GYS1: variants seen among roughly 807,000 people sequenced by gnomAD.
GYS1 encodes the protein glycogen synthase 1.
A neutral mutation model predicts 89.1 loss-of-function variants in GYS1; 60 were observed. That is an observed-to-expected ratio of 0.67 (90% CI 0.55 to 0.84). The LOEUF is 0.84. Ranked by LOEUF, GYS1 falls within the 40% of genes least tolerant of loss-of-function variation. GYS1 has a pLI of 0.00. For synonymous variants in GYS1, 366 were observed against 401.7 expected (o/e 0.91, Z 1.06); for missense variants, 888 against 1,003.1 (o/e 0.89, Z 1.55).
intron 2 of GYS1, among the ~76,000 whole-genome samples, chr19:48,989,996 G>GC (rs2038897994): frequency 2.1e-5 from 2 of 93,304 alleles, no homozygotes; most frequent in Non-Finnish European, 4.3e-5. Context: ...CTGCCCTTTT[G>GC]CTGGGGGGGG....
chr19:48,985,419 G>A, intron 5 of GYS1, 42 bp downstream of exon 5: 2 of 1,604,166 alleles, frequency 1.2e-6, no homozygotes, highest in Non-Finnish European at 1.7e-6. Flanking sequence ...ATAGACAGCT[G>A]CCTACCTCAT....
chr19:48,968,669 C>A lies in GYS1; in HGVS notation c.*619G>T, dbSNP rs1430836993. The stretch of plus-strand genomic sequence containing the variant: ...TGCTTGGCCAAAGTGTAGGGGATGA[C>A]AGGAGCCGGATGGAGGGATCCTCCA... On this transcript the variant is annotated 3_prime_UTR_variant, in exon 16 of 16. Coordinates refer to ENST00000323798, the MANE Select transcript of GYS1 (RefSeq NM_002103.5). The A allele has an allele frequency of 2.2e-6, 1 of 454,120 alleles. No homozygotes were observed. The highest frequency in any genetic ancestry group is 1.6e-5 in the South Asian group (1 of 64,476). 28.1% of individuals were successfully genotyped at this position (454,120 alleles called of 1,614,324 possible). A position where few individuals can be genotyped will look rare whatever the true frequency, so the allele number is the denominator to read the frequency against.
rs2122552156 is a variant in GYS1 at position 48,993,305 on chromosome 19, T to C, written c.-193A>G. ...ACCTAGGCAGAAGGAGGCCGCAGCG[T>C]CACTGAGCCCACTGGCGCCCCTGCA... On this transcript the variant is annotated 5_prime_UTR_variant, in exon 1 of 16. Coordinates refer to ENST00000323798, the MANE Select transcript of GYS1 (RefSeq NM_002103.5). 4 of 649,568 alleles carry C rather than the reference T, an allele frequency of 6.2e-6. No homozygotes were observed. The highest frequency in any genetic ancestry group is 1.1e-5 in the Non-Finnish European group (4 of 349,424). The allele number at this position is 649,568 out of a possible 1,614,324, so 40.2% of individuals were successfully genotyped here.
rs144740417 is a variant in GYS1 at position 48,987,699 on chromosome 19, C to T, written c.301-314G>A. On this transcript the variant is annotated intron_variant, in intron 2 of 15. Transcript: ENST00000323798. ...TGGCCCAGGCTGGAGTGCAGTGGTG[C>T]GATCTCAGCTCACTGCAACCTCTGT... 4.9e-3 allele frequency among the ~76,000 whole-genome samples: 745 copies of T among 151,068 alleles called. 6 individuals carry two copies. Among genetic ancestry groups the T allele is most frequent in the African/African-American group, 0.017 (691 of 41,098 alleles).
intron 10 of GYS1, among the ~76,000 whole-genome samples, chr19:48,977,113 G>C (rs543357805): frequency 1.3e-5 from 2 of 151,958 alleles, no homozygotes; most frequent in Admixed American, 1.3e-4. Context: ...TTTGGGGGTG[G>C]GTGGGGGGCT....
At chr19:48,978,568 G>C (rs1353182807) in intron 8 of GYS1, among the ~76,000 whole-genome samples, 1 of 142,960 alleles carries the variant, frequency 7.0e-6, no homozygotes, top group Non-Finnish European at 1.5e-5. Flanking sequence ...GAGTTACTCT[G>C]TCGTCCAGGC....
Position 48,971,021 on chromosome 19 carries a change from C to CAG in GYS1, c.1550_1551dup (p.Glu518LeufsTer85). ...CTGGGGATTCCCATAACCGTGCACT[C>CAG]AGCTGCGGGAAGGCAGGAGAGAGAC... On this transcript the variant is annotated frameshift_variant and splice_region_variant, in exon 13 of 16. Coordinates refer to ENST00000323798, the MANE Select transcript of GYS1 (RefSeq NM_002103.5). LOFTEE classifies it high-confidence loss of function. 6.2e-7 allele frequency: 1 copy of CAG among 1,612,078 alleles called. No homozygotes were observed. Among genetic ancestry groups the CAG allele is most frequent in the Non-Finnish European group, 8.5e-7 (1 of 1,178,078 alleles).
At chr19:48,970,826 T>A in intron 13 of GYS1, 102 bp downstream of exon 13, 1 of 1,379,062 alleles carries the variant, frequency 7.3e-7, no homozygotes, top group South Asian at 1.2e-5. Flanking sequence ...CCCCATTTCC[T>A]GGTGCCCCTG....
chr19:48,985,001 G>A (rs2038820157), intron 5 of GYS1, among the ~76,000 whole-genome samples: 1 of 152,222 alleles, frequency 6.6e-6, no homozygotes, highest in African/African-American at 2.4e-5. Context: ...AAGCTATGAT[G>A]TTCAGTAGGT....
At chr19:48,989,828 T>C (rs1030987515) in intron 2 of GYS1, among the ~76,000 whole-genome samples, 6 of 152,240 alleles carry the variant, frequency 3.9e-5, no homozygotes, top group African/African-American at 1.4e-4. Context: ...CTTCTGCCTC[T>C]GCCACATTTC....
rs1206664030 is a variant in GYS1 at position 48,991,709 on chromosome 19, G to C, written c.119-226C>G. Among the ~76,000 whole-genome samples the C allele has an allele frequency of 6.6e-6, 1 of 152,076 alleles. No homozygotes were observed. The highest frequency in any genetic ancestry group is 1.5e-5 in the Non-Finnish European group (1 of 68,002). Reference sequence around the variant, plus strand: ...TGGGTCTAAGGGAGAAGGGGGCTGGGGTCAGGACCCTGAAGGAGGAGGGGG... The same window carrying C: ...TGGGTCTAAGGGAGAAGGGGGCTGGCGTCAGGACCCTGAAGGAGGAGGGGG... On this transcript the variant is annotated intron_variant, in intron 1 of 15. Transcript: ENST00000323798. This position sits in a 1 kb window ranked among gnomAD's most constrained non-coding sequence, Gnocchi z 4.7.
chr19:48,977,786 C>T lies in GYS1; in HGVS notation c.1308+138G>A. On this transcript the variant is annotated intron_variant, in intron 10 of 15. Coordinates refer to ENST00000323798, the MANE Select transcript of GYS1 (RefSeq NM_002103.5). ...AGTCAGCACGTGCCCTTCTGTGGACCTCAGAATAGATCCCTTCATAAAGGG... is the reference window on the plus strand; with the variant it reads ...AGTCAGCACGTGCCCTTCTGTGGACTTCAGAATAGATCCCTTCATAAAGGG... 4.1e-6 allele frequency: 3 copies of T among 736,408 alleles called. No homozygotes were observed. The Admixed American group carries it at 6.0e-5, about 15-fold the overall frequency. The allele number at this position is 736,408 out of a possible 1,614,324, so 45.6% of individuals were successfully genotyped here.
rs377543851 is a variant in GYS1, at chr19:48,993,140, G to A, written c.-28C>T. 4 of 1,305,766 alleles carry A rather than the reference G, an allele frequency of 3.1e-6. No homozygotes were observed. In the South Asian group the frequency reaches 3.5e-5, roughly 12 times the overall value. The allele number at this position is 1,305,766 out of a possible 1,614,324, so 80.9% of individuals were successfully genotyped here. A position where few individuals can be genotyped will look rare whatever the true frequency, so the allele number is the denominator to read the frequency against. The stretch of plus-strand genomic sequence containing the variant: ...CTGGCGCAGGAAGGGGGGCTCCGGG[G>A]ATCTCCAGGTAGGGACCCCGGAGGT... On this transcript the variant is annotated 5_prime_UTR_variant, in exon 1 of 16. Coordinates refer to ENST00000323798, the MANE Select transcript of GYS1 (RefSeq NM_002103.5).
Position 48,982,302 on chromosome 19 carries a change from C to T in GYS1, c.1015G>A (p.Ala339Thr). Residue 339 changes from alanine to threonine, a missense_variant, in exon 7 of 16, where the codon GCT becomes ACT. Coordinates refer to ENST00000323798, the MANE Select transcript of GYS1 (RefSeq NM_002103.5). ...AGRYEFSNKG[A>T]DVFLEALARL... ...GCCAATGCCTCCAGGAAGACGTCAG[C>T]ACCCTTGTTGGAGAACTCATAGCGG... 6.2e-7 allele frequency: 1 copy of T among 1,613,838 alleles called. No homozygotes were observed. The highest frequency in any genetic ancestry group is 2.2e-5 in the East Asian group (1 of 44,870).
chr19:48,992,876 C>T, intron 1 of GYS1, 119 bp downstream of exon 1: 1 of 730,478 alleles, frequency 1.4e-6, no homozygotes. Context: ...AAGGACACAG[C>T]CTCCTTGCCC....
chr19:48,968,183 C>T lies in GYS1; in HGVS notation c.*1105G>A, dbSNP rs1478520440. On this transcript the variant is annotated 3_prime_UTR_variant, in exon 16 of 16. Transcript: ENST00000323798. ...CTCATCTCCGGACACACTCCAATCACACCCCTCCTGCCCTCCCCTCTCAAC... is the reference window on the plus strand; with the variant it reads ...CTCATCTCCGGACACACTCCAATCATACCCCTCCTGCCCTCCCCTCTCAAC... 8.8e-6 allele frequency: 4 copies of T among 453,940 alleles called. No homozygotes were observed. Among genetic ancestry groups the T allele is most frequent in the Non-Finnish European group, 1.8e-5 (4 of 226,738 alleles). The allele number at this position is 453,940 out of a possible 1,614,324, so 28.1% of individuals were successfully genotyped here.
At chr19:48,988,316 G>A (rs1354163324) in intron 2 of GYS1, among the ~76,000 whole-genome samples, 4 of 151,956 alleles carry the variant, frequency 2.6e-5, no homozygotes, top group African/African-American at 9.7e-5. Flanking sequence ...TCTTTCTGAT[G>A]CTAATTCCTT....
chr19:48,991,197 C>A lies in GYS1; in HGVS notation c.300+105G>T. 8.0e-7 allele frequency: 1 copy of A among 1,249,836 alleles called. No individual in the cohort carries two copies. Among genetic ancestry groups the A allele is most frequent in the Non-Finnish European group, 1.2e-6 (1 of 860,840 alleles). 77.4% of individuals were successfully genotyped at this position (1,249,836 alleles called of 1,614,324 possible). A position where few individuals can be genotyped will look rare whatever the true frequency, so the allele number is the denominator to read the frequency against. On this transcript the variant is annotated intron_variant, in intron 2 of 15. Transcript: ENST00000323798. This position sits in a 1 kb window ranked among gnomAD's most constrained non-coding sequence, Gnocchi z 4.7. ...CTCCTTCCTGTGTCCAAGCCTGCCT[C>A]GCTCTCTGGCTGGGGCTGTCCACCC...
chr19:48,991,189 G>T lies in GYS1; in HGVS notation c.300+113C>A. ...TATCACGCCTCCTTCCTGTGTCCAA[G>T]CCTGCCTCGCTCTCTGGCTGGGGCT... On this transcript the variant is annotated intron_variant, in intron 2 of 15. Coordinates refer to ENST00000323798, the MANE Select transcript of GYS1 (RefSeq NM_002103.5). This position sits in a 1 kb window ranked among gnomAD's most constrained non-coding sequence, Gnocchi z 4.7. 1.7e-6 allele frequency: 2 copies of T among 1,176,010 alleles called. No individual in the cohort carries two copies. The highest frequency in any genetic ancestry group is 2.5e-6 in the Non-Finnish European group (2 of 796,168). 72.8% of individuals were successfully genotyped at this position (1,176,010 alleles called of 1,614,324 possible). A position where few individuals can be genotyped will look rare whatever the true frequency, so the allele number is the denominator to read the frequency against.
Sources: allele counts gnomAD v4.1 joint callset (sites outside exome capture counted in the v4.1 genomes callset), GRCh38; gene constraint gnomAD v4.1.1; non-coding constraint Gnocchi (gnomAD v3.1); transcripts MANE v1.5; gene names NCBI Gene and HGNC (gene_info 2026-07-23, HGNC 2026-07-21).